The following CES5A variants were observed in gnomAD, a reference collection of about 807,000 sequenced individuals.
CES5A encodes carboxylesterase 5.
Under a neutral mutation model 62.9 loss-of-function variants are expected in CES5A, and 67 were observed. The ratio of observed to expected loss-of-function variants is 1.07; its 90% CI spans 0.88 to 1.31. The LOEUF is 1.31. CES5A is among the 50% of genes most tolerant of loss of function. CES5A has a pLI of 0.00. For synonymous variants in CES5A, 296 were observed against 280.8 expected, an observed-to-expected ratio of 1.05 and a Z score of -0.54; for missense variants, 748 against 708.5, an observed-to-expected ratio of 1.06 and a Z score of -0.63.
chr16:55,953,475 A>G (rs2034578911), intron 1 of CES5A, among the ~76,000 whole-genome samples: 1 of 152,210 alleles, frequency 6.6e-6, no homozygotes, highest in Non-Finnish European at 1.5e-5. Context: ...TAAAATCAAC[A>G]CACAAAATTA....
intron 1 of CES5A, among the ~76,000 whole-genome samples, chr16:55,895,681 A>G (rs1457200448): frequency 6.6e-6 from 1 of 152,226 alleles, no homozygotes; most frequent in Non-Finnish European, 1.5e-5. Context: ...AATTTGCGCT[A>G]GAACAAGTTA....
chr16:55,887,561 C>T (rs2033830012), intron 1 of CES5A, among the ~76,000 whole-genome samples: 1 of 152,090 alleles, frequency 6.6e-6, no homozygotes, highest in Non-Finnish European at 1.5e-5. Flanking sequence ...GACTTGGACT[C>T]AGGCCCTGTT....
At chr16:55,855,920 T>A (rs2033234085) in intron 9 of CES5A, among the ~76,000 whole-genome samples, 1 of 152,162 alleles carries the variant, frequency 6.6e-6, no homozygotes, top group Non-Finnish European at 1.5e-5. Context: ...GTAGGGGCAG[T>A]TTCTCATGAA....
chr16:55,860,206 T>C (rs1262343687), intron 7 of CES5A, among the ~76,000 whole-genome samples: 2 of 152,160 alleles, frequency 1.3e-5, no homozygotes, highest in Non-Finnish European at 2.9e-5. Context: ...TCCTTCACCC[T>C]CTACCATGAT....
At chr16:55,879,784 A>G (rs1174441036), upstream of CES5A, among the ~76,000 whole-genome samples, 1 of 151,908 alleles carries the variant, frequency 6.6e-6, no homozygotes, top group Non-Finnish European at 1.5e-5. Flanking sequence ...GTAGAGATGG[A>G]GTCTCACTAT....
intron 2 of CES5A, among the ~76,000 whole-genome samples, chr16:55,940,855 AAATC>A (rs1185217446): frequency 6.6e-6 from 1 of 151,982 alleles, no homozygotes; most frequent in Non-Finnish European, 1.5e-5. Context: ...CAATATTTAA[AAATC>A]AATCAATGTA....
At chr16:55,848,578 G>A (rs1181821217) in intron 11 of CES5A, among the ~76,000 whole-genome samples, 1 of 152,044 alleles carries the variant, frequency 6.6e-6, no homozygotes, top group Admixed American at 6.5e-5. Context: ...TTGTTATGAG[G>A]GAGGTTGAGT....
At chr16:55,930,678 G>A (rs537828384) in intron 2 of CES5A, among the ~76,000 whole-genome samples, 1 of 152,288 alleles carries the variant, frequency 6.6e-6, no homozygotes, top group African/African-American at 2.4e-5. Context: ...TTCATGCTAT[G>A]TGTTACTTCT....
intron 2 of CES5A, among the ~76,000 whole-genome samples, chr16:55,942,175 T>C (rs555454328): frequency 6.5e-4 from 99 of 152,290 alleles, no homozygotes; most frequent in African/African-American, 2.3e-3. Context: ...TAGACAAAGA[T>C]TTCTTCAGAC....
At chr16:55,911,794 ATCCAGGG>A (rs2142450805) in intron 1 of CES5A, among the ~76,000 whole-genome samples, 1 of 152,308 alleles carries the variant, frequency 6.6e-6, no homozygotes, top group African/African-American at 2.4e-5. Flanking sequence ...CTGGGCCAGA[ATCCAGGG>A]TCCTGGCCAC....
At chr16:55,848,972 G>A (rs143507800) in intron 11 of CES5A, among the ~76,000 whole-genome samples, 10 of 152,244 alleles carry the variant, frequency 6.6e-5, no homozygotes, top group African/African-American at 1.9e-4. Flanking sequence ...TATATGGAAC[G>A]TTCTGTCCTC....
chr16:55,880,263 C>T (rs373279906), upstream of CES5A, among the ~76,000 whole-genome samples: 2 of 152,182 alleles, frequency 1.3e-5, no homozygotes, highest in African/African-American at 2.4e-5. Flanking sequence ...TGCCCCAGGG[C>T]AGAAATGTCC....
At chr16:55,892,437 A>G (rs2033890373) in intron 1 of CES5A, among the ~76,000 whole-genome samples, 1 of 152,060 alleles carries the variant, frequency 6.6e-6, no homozygotes, top group Admixed American at 6.6e-5. Flanking sequence ...GGCCATGGTC[A>G]CTCATTTTTG....
At chr16:55,900,903 C>T (rs2033983554) in intron 1 of CES5A, among the ~76,000 whole-genome samples, 2 of 152,174 alleles carry the variant, frequency 1.3e-5, no homozygotes, top group Admixed American at 1.3e-4. Flanking sequence ...AGTGCTTATC[C>T]CATCCCACAT....
chr16:55,951,924 A>T (rs1205734485), intron 1 of CES5A, among the ~76,000 whole-genome samples: 2 of 152,200 alleles, frequency 1.3e-5, no homozygotes, highest in Non-Finnish European at 2.9e-5. Context: ...AGAGAGTCTG[A>T]AGAACATACA....
upstream of CES5A, among the ~76,000 whole-genome samples, chr16:55,878,544 T>C (rs1252398179): frequency 6.6e-6 from 1 of 151,720 alleles, no homozygotes; most frequent in Non-Finnish European, 1.5e-5. Context: ...TCCAAACTAA[T>C]GCCTCATTGC....
chr16:55,936,933 A>G (rs1414124349), intron 2 of CES5A, among the ~76,000 whole-genome samples: 1 of 152,204 alleles, frequency 6.6e-6, no homozygotes, highest in Non-Finnish European at 1.5e-5. Flanking sequence ...CTGGTGAGGG[A>G]GCATTATAAT....
intron 1 of CES5A, among the ~76,000 whole-genome samples, chr16:55,907,720 C>T (rs1325596154): frequency 6.6e-6 from 1 of 152,136 alleles, no homozygotes; most frequent in Non-Finnish European, 1.5e-5. Flanking sequence ...CAGCAGGTGG[C>T]AAGGCCAACT....
intron 8 of CES5A, among the ~76,000 whole-genome samples, chr16:55,857,877 A>T (rs1351397595): frequency 1.3e-5 from 2 of 152,206 alleles, no homozygotes; most frequent in Non-Finnish European, 2.9e-5. Context: ...ATCACACAGC[A>T]GGTAAACAGA....
Sources: allele counts gnomAD v4.1 joint callset (sites outside exome capture counted in the v4.1 genomes callset), GRCh38; gene constraint gnomAD v4.1.1; transcripts MANE v1.5; gene names NCBI Gene and HGNC (gene_info 2026-07-23, HGNC 2026-07-21).